FAM193A: variants seen among roughly 807,000 people sequenced by gnomAD.
FAM193A encodes protein FAM193A.
Under a neutral mutation model 126.5 loss-of-function variants are expected in FAM193A, and 22 were observed. The observed-to-expected ratio is 0.17, with a 90% CI of 0.12 to 0.25. The LOEUF (loss-of-function observed/expected upper bound fraction) is 0.25. Ranked by LOEUF, FAM193A falls within the 10% of genes least tolerant of loss-of-function variation. The pLI is 1.00. For missense variants in FAM193A, 1,675 were observed against 1,672.8 expected, an observed-to-expected ratio of 1.00 and a Z score of -0.02; for synonymous variants, 761 against 646.8, an observed-to-expected ratio of 1.18 and a Z score of -2.68.
chr4:2,584,539 A>C (rs1740127208), intron 1 of FAM193A, among the ~76,000 whole-genome samples: 2 of 152,120 alleles, frequency 1.3e-5, no homozygotes. Context: ...TGGTATAAGC[A>C]CCATTCAGAT....
chr4:2,536,789 C>T lies in FAM193A; in HGVS notation c.-127C>T, dbSNP rs1371058571. 2.0e-5 allele frequency: 3 copies of T among 148,034 alleles called. No individual in the cohort carries two copies. The highest frequency in any genetic ancestry group is 6.7e-5 in the Admixed American group (1 of 14,828). 9.2% of individuals were successfully genotyped at this position (148,034 alleles called of 1,614,324 possible). On this transcript the variant is annotated 5_prime_UTR_variant, in exon 1 of 21. Transcript: ENST00000637812. ...CAGCCCTCCCCGACCCGGACGCGACCCCGCGCAGCGCCCCCCGGCTGGCCG... is the reference window on the plus strand; with the variant it reads ...CAGCCCTCCCCGACCCGGACGCGACTCCGCGCAGCGCCCCCCGGCTGGCCG...
At position 2,702,856 on chromosome 4, in the gene FAM193A, A is replaced by G. The variant is rs111414658; in HGVS notation, c.4372+2312A>G. 9.2e-5 allele frequency among the ~76,000 whole-genome samples: 14 copies of G among 152,272 alleles called. 2 individuals carry two copies. The highest frequency in any genetic ancestry group is 3.4e-4 in the African/African-American group (14 of 41,550). ...TGTGGTGATTACACTGAATTTACAA[A>G]TGACTTAAATTAGTTCTTTTCACCT... On this transcript the variant is annotated intron_variant, in intron 19 of 20. Transcript: ENST00000637812.
chr4:2,709,057 T>C (rs1718634595), intron 19 of FAM193A, among the ~76,000 whole-genome samples: 1 of 152,076 alleles, frequency 6.6e-6, no homozygotes, highest in Non-Finnish European at 1.5e-5. Flanking sequence ...AAAAATTTAA[T>C]GTTAAAAAAA....
chr4:2,574,032 A>C (rs1019079839), intron 1 of FAM193A, among the ~76,000 whole-genome samples: 2 of 152,098 alleles, frequency 1.3e-5, no homozygotes, highest in East Asian at 1.9e-4. Flanking sequence ...TTATTCAACA[A>C]CTTTGGTTTT....
chr4:2,704,772 T>C (rs1718122223), intron 19 of FAM193A, among the ~76,000 whole-genome samples: 1 of 152,194 alleles, frequency 6.6e-6, no homozygotes, highest in Admixed American at 6.5e-5. Flanking sequence ...AGTGTAGTTT[T>C]CATTTGCATT....
intron 1 of FAM193A, among the ~76,000 whole-genome samples, chr4:2,547,153 C>T (rs564090464): frequency 2.2e-3 from 341 of 152,062 alleles, no homozygotes; most frequent in South Asian, 8.5e-3. Context: ...GTTGGGAGGC[C>T]GAGGCAGGCG....
chr4:2,654,378 A>ATTTTTTTTTTTTTTTTTTTTTTT (rs372926172), intron 7 of FAM193A: 5 of 114,588 alleles, frequency 4.4e-5, no homozygotes, highest in Non-Finnish European at 5.2e-5. Context: ...TGCCTGGCTA[A>ATTTTTTTTTTTTTTTTTTTTTTT]TTTTTTTTTT....
At chr4:2,554,333 T>C (rs1738128330) in intron 1 of FAM193A, among the ~76,000 whole-genome samples, 1 of 152,066 alleles carries the variant, frequency 6.6e-6, no homozygotes, top group Admixed American at 6.6e-5. Flanking sequence ...TCCACCCCGC[T>C]CAGCCTCCCA....
In FAM193A at chr4:2,631,060, C is replaced by T. The variant is rs762968373; in HGVS notation, c.929C>T (p.Ser310Phe). The T allele has an allele frequency of 6.2e-7, 1 of 1,613,558 alleles. No individual in the cohort carries two copies. Among genetic ancestry groups the T allele is most frequent in the Non-Finnish European group, 8.5e-7 (1 of 1,180,016 alleles). The change falls in exon 5 of 21, where the codon TCT (serine) becomes TTT (phenylalanine). Residue 310 changes from serine to phenylalanine, a missense_variant. This residue lies in a region of FAM193A where 1,186 missense variants were observed against 1,109.2 expected (regional missense o/e 1.07). Transcript: ENST00000637812. ...LSAAAKVKAP[S>F]GLQGPPQAHQ... ...GCTGCGGCCAAGGTGAAGGCACCAT[C>T]TGGCCTGCAGGGCCCGCCGCAAGCG...
intron 1 of FAM193A, among the ~76,000 whole-genome samples, chr4:2,567,398 T>A (rs1375075006): frequency 6.6e-6 from 1 of 152,216 alleles, no homozygotes; most frequent in Non-Finnish European, 1.5e-5. Context: ...GGGACCTTTT[T>A]CAGCAAAGAC....
chr4:2,618,630 T>C, intron 2 of FAM193A, among the ~76,000 whole-genome samples: 2 of 134,802 alleles, frequency 1.5e-5, no homozygotes, highest in African/African-American at 2.8e-5. Flanking sequence ...AGTTTTGCTC[T>C]TGTTGCCCAG....
intron 2 of FAM193A, chr4:2,608,000 T>C: frequency 6.3e-7 from 1 of 1,592,854 alleles, no homozygotes; most frequent in Non-Finnish European, 8.5e-7. Context: ...CCACAGCCCC[T>C]GCTGGGGTGT....
chr4:2,626,682 G>T, intron 4 of FAM193A, 105 bp downstream of exon 4: 1 of 610,360 alleles, frequency 1.6e-6, no homozygotes, highest in South Asian at 1.9e-5. Flanking sequence ...GTGCTCAGCT[G>T]GGTTTGCTTA....
rs1389012437 is a variant in FAM193A at position 2,546,235 on chromosome 4, TC to T, written c.255+9067del. Among the ~76,000 whole-genome samples the T allele has an allele frequency of 2.6e-5, 4 of 151,908 alleles. No individual in the cohort carries two copies. The East Asian group carries it at 7.7e-4, about 29-fold the overall frequency. ...TCAAACTCCTGGGCTCAAGCAGTCC[TC>T]CTACCTTGGCCTCCCAAAGTTTTGG... On this transcript the variant is annotated intron_variant, in intron 1 of 20. Coordinates refer to ENST00000637812, the MANE Select transcript of FAM193A (RefSeq NM_001366318.2).
Position 2,700,140 on chromosome 4 carries a change from T to G in FAM193A, c.3968T>G (p.Phe1323Cys), listed in dbSNP as rs1717542255. The change falls in exon 19 of 21, where the codon TTT becomes TGT. Residue 1323 changes from phenylalanine to cysteine, a missense_variant. By Grantham distance (205) the Phe-to-Cys change is radical (BLOSUM62 -2). This residue lies in a region of FAM193A where 415 missense variants were observed against 396.7 expected (regional missense o/e 1.05). Coordinates refer to ENST00000637812, the MANE Select transcript of FAM193A (RefSeq NM_001366318.2). ...VNGKQHEPLS[F>C]FFDIMQHHKE... ...GGGAAGCAGCATGAGCCACTCTCTT[T>G]TTTCTTCGACATCATGCAGCACCAT... 2 of 1,613,570 alleles carry G rather than the reference T, an allele frequency of 1.2e-6. No homozygotes were observed. Among genetic ancestry groups the G allele is most frequent in the East Asian group, 2.2e-5 (1 of 44,804 alleles).
At chr4:2,570,088 C>G (rs1279021723) in intron 1 of FAM193A, among the ~76,000 whole-genome samples, 2 of 151,960 alleles carry the variant, frequency 1.3e-5, no homozygotes, top group African/African-American at 4.8e-5. Context: ...TATGACTTTT[C>G]TTCACTTTTG....
chr4:2,602,146 G>C (rs1741235914), intron 2 of FAM193A, among the ~76,000 whole-genome samples: 1 of 151,754 alleles, frequency 6.6e-6, no homozygotes, highest in South Asian at 2.1e-4. Flanking sequence ...GGCAATTATT[G>C]CTATTTTATA....
At chr4:2,581,320 C>G (rs954488269) in intron 1 of FAM193A, among the ~76,000 whole-genome samples, 2 of 146,548 alleles carry the variant, frequency 1.4e-5, no homozygotes, top group Non-Finnish European at 3.0e-5. Context: ...GGGGCACAAT[C>G]TTGGCTCACT....
At chr4:2,682,266 G>A (rs753393130) in intron 13 of FAM193A, among the ~76,000 whole-genome samples, 4 of 152,246 alleles carry the variant, frequency 2.6e-5, no homozygotes, top group East Asian at 3.9e-4. Context: ...TTACAGGCGC[G>A]AGCCACCTTC....
Sources: allele counts gnomAD v4.1 joint callset (sites outside exome capture counted in the v4.1 genomes callset), GRCh38; gene constraint gnomAD v4.1.1; regional missense constraint gnomAD v4.1.1; transcripts MANE v1.5; gene names NCBI Gene and HGNC (gene_info 2026-07-23, HGNC 2026-07-21).